Variants in NKAIN2 observed in about 807,000 individuals in gnomAD.
NKAIN2 encodes the protein sodium/potassium transporting ATPase interacting 2.
Under a neutral mutation model 32.6 loss-of-function variants are expected in NKAIN2, and 14 were observed. That is an observed-to-expected ratio of 0.43 (90% CI 0.28 to 0.67). The LOEUF is 0.67. Among genes scored for constraint, NKAIN2 ranks in the 30% least tolerant of loss-of-function variants. The pLI is 0.17. For synonymous variants in NKAIN2, 80 were observed against 87.2 expected, an observed-to-expected ratio of 0.92 and a Z score of 0.46; for missense variants, 198 against 258.3, an observed-to-expected ratio of 0.77 and a Z score of 1.60.
At chr6:124,430,491 C>G (rs1300602986) in intron 3 of NKAIN2, among the ~76,000 whole-genome samples, 1 of 152,076 alleles carries the variant, frequency 6.6e-6, no homozygotes, top group African/African-American at 2.4e-5. Context: ...CTGCAGTCTT[C>G]TAAGGCACAC....
intron 1 of NKAIN2, among the ~76,000 whole-genome samples, chr6:124,070,461 T>G (rs1783402141): frequency 6.6e-6 from 1 of 152,192 alleles, no homozygotes; most frequent in African/African-American, 2.4e-5. Flanking sequence ...CCAGCCAGTG[T>G]GAATTGAGTA....
intron 2 of NKAIN2, among the ~76,000 whole-genome samples, chr6:124,287,489 T>C (rs145491700): frequency 1.4e-4 from 22 of 152,266 alleles, no homozygotes; most frequent in African/African-American, 5.3e-4. Flanking sequence ...AAACAGATAA[T>C]TGGAACAAGA....
intron 3 of NKAIN2, among the ~76,000 whole-genome samples, chr6:124,411,063 G>A (rs1364703306): frequency 6.6e-6 from 1 of 151,630 alleles, no homozygotes; most frequent in East Asian, 1.9e-4. Flanking sequence ...TTTATTTTGA[G>A]CCTATGTGTG....
chr6:123,860,509 C>G (rs1478136893), intron 1 of NKAIN2, among the ~76,000 whole-genome samples: 1 of 152,120 alleles, frequency 6.6e-6, no homozygotes, highest in Non-Finnish European at 1.5e-5. Context: ...CTCCTGGGCT[C>G]AAGTGATCCT....
At chr6:124,404,492 T>C (rs771574329) in intron 3 of NKAIN2, among the ~76,000 whole-genome samples, 16 of 152,276 alleles carry the variant, frequency 1.1e-4, no homozygotes, top group Non-Finnish European at 1.6e-4. Flanking sequence ...CCAGTAATCC[T>C]TCCCTATGTT....
At chr6:124,271,463 G>T in intron 1 of NKAIN2, among the ~76,000 whole-genome samples, 1 of 152,190 alleles carries the variant, frequency 6.6e-6, no homozygotes, top group South Asian at 2.1e-4. Flanking sequence ...TGATCCACCC[G>T]CCTTGGCCTC....
At chr6:123,907,152 A>G (rs1057398929) in intron 1 of NKAIN2, among the ~76,000 whole-genome samples, 2 of 152,184 alleles carry the variant, frequency 1.3e-5, no homozygotes, top group East Asian at 3.8e-4. Context: ...TACTATCAGT[A>G]TGGTTACTGT....
intron 1 of NKAIN2, among the ~76,000 whole-genome samples, chr6:123,957,641 A>G (rs1777656027): frequency 6.6e-6 from 1 of 152,150 alleles, no homozygotes. Flanking sequence ...TTTGTTTTCA[A>G]TTTAGATGTT....
At chr6:124,560,183 G>A (rs1780636321) in intron 3 of NKAIN2, among the ~76,000 whole-genome samples, 1 of 152,114 alleles carries the variant, frequency 6.6e-6, no homozygotes, top group African/African-American at 2.4e-5. Flanking sequence ...GGAACCAGGT[G>A]GGAGGTAATT....
At chr6:124,506,174 C>A (rs189454759) in intron 3 of NKAIN2, among the ~76,000 whole-genome samples, 5 of 130,042 alleles carry the variant, frequency 3.8e-5, no homozygotes, top group Admixed American at 3.3e-4. Flanking sequence ...GAGCAAGACT[C>A]CGTCTAAAAA....
At chr6:124,155,165 G>A (rs1050590779) in intron 1 of NKAIN2, among the ~76,000 whole-genome samples, 32 of 152,018 alleles carry the variant, frequency 2.1e-4, no homozygotes, top group African/African-American at 7.0e-4. Context: ...CATCAAGCAT[G>A]GTATCTGGAT....
At chr6:124,412,240 A>G (rs547032957) in intron 3 of NKAIN2, among the ~76,000 whole-genome samples, 1 of 152,040 alleles carries the variant, frequency 6.6e-6, no homozygotes, top group Non-Finnish European at 1.5e-5. Context: ...CTTTTGGAGG[A>G]GGAGATGTGC....
intron 1 of NKAIN2, among the ~76,000 whole-genome samples, chr6:124,080,097 G>A (rs80188157): frequency 0.076 from 11,540 of 152,166 alleles, 488 homozygotes; most frequent in Middle Eastern, 0.15. Context: ...TGATAAAAAA[G>A]CTGGGACAAC....
intron 1 of NKAIN2, among the ~76,000 whole-genome samples, chr6:124,134,985 A>G (rs371267970): frequency 1.3e-5 from 2 of 152,162 alleles, no homozygotes; most frequent in Non-Finnish European, 1.5e-5. Context: ...TTGGGGTCCT[A>G]TCTTTAGACT....
At chr6:124,820,423 T>C (rs993123885) in intron 6 of NKAIN2, among the ~76,000 whole-genome samples, 1 of 152,202 alleles carries the variant, frequency 6.6e-6, no homozygotes, top group Non-Finnish European at 1.5e-5. Flanking sequence ...GCTCTGAAAT[T>C]ATATGAAAGA....
chr6:123,831,024 T>C lies in NKAIN2; in HGVS notation c.54+26770T>C, dbSNP rs928509186. Among the ~76,000 whole-genome samples the C allele has an allele frequency of 5.9e-5, 9 of 152,218 alleles. 1 individual carries two copies. In the East Asian group the frequency reaches 7.7e-4, roughly 13 times the overall value. ...GTAAGTTGCATATTTAAGGTTACTT[T>C]ATGGAACAATGCAAGTCTTGCAAAG... On this transcript the variant is annotated intron_variant, in intron 1 of 6. Coordinates refer to ENST00000368417, the MANE Select transcript of NKAIN2 (RefSeq NM_001040214.3).
chr6:124,311,963 G>A (rs1433012974), intron 2 of NKAIN2, among the ~76,000 whole-genome samples: 3 of 152,096 alleles, frequency 2.0e-5, no homozygotes, highest in Non-Finnish European at 4.4e-5. Context: ...TGGTTAACAG[G>A]ATTGACCACT....
At chr6:124,160,686 T>A (rs1424346286) in intron 1 of NKAIN2, among the ~76,000 whole-genome samples, 1 of 152,134 alleles carries the variant, frequency 6.6e-6, no homozygotes, top group Non-Finnish European at 1.5e-5. Context: ...ATTATTATGA[T>A]CCTAAACTAC....
At chr6:124,782,682 T>C (rs1424629351) in intron 4 of NKAIN2, among the ~76,000 whole-genome samples, 1 of 152,182 alleles carries the variant, frequency 6.6e-6, no homozygotes, top group African/African-American at 2.4e-5. Flanking sequence ...CTATTATCTC[T>C]GATCAAAAAT....
Sources: gnomAD v4.1 joint callset for allele counts (sites outside exome capture counted in the v4.1 genomes callset) on GRCh38, gnomAD v4.1.1 for gene constraint, MANE v1.5 for transcripts, NCBI Gene and HGNC (gene_info 2026-07-23, HGNC 2026-07-21) for gene names.